RSPO1: variants seen among roughly 807,000 people sequenced by gnomAD.
The protein encoded by RSPO1 is R-spondin 1.
A neutral mutation model predicts 26.0 loss-of-function variants in RSPO1; 18 were observed. The observed-to-expected ratio is 0.69, with a 90% CI of 0.48 to 1.03. The LOEUF (loss-of-function observed/expected upper bound fraction) is 1.03. RSPO1 is among the 50% of genes least tolerant of loss of function. RSPO1 has a pLI of 0.00. For synonymous variants in RSPO1, 133 were observed against 137.4 expected (o/e 0.97, Z 0.22); for missense variants, 309 against 352.3 (o/e 0.88, Z 0.98).
At chr1:37,627,186 C>T (rs1199088134) in intron 3 of RSPO1, among the ~76,000 whole-genome samples, 1 of 152,064 alleles carries the variant, frequency 6.6e-6, no homozygotes, top group Non-Finnish European at 1.5e-5. Context: ...CCCTGAGGCT[C>T]ATACACAGCA....
chr1:37,616,713 A>ATTAAACAAGTAAGT, intron 3 of RSPO1, 38 bp from the exon 4 acceptor site: 1 of 1,570,730 alleles, frequency 6.4e-7, no homozygotes, highest in Non-Finnish European at 8.8e-7. Flanking sequence ...GCGGCTGTGG[A>ATTAAACAAGTAAGT]GAGAACCTCA....
chr1:37,613,933 AGGGGATCATGTCTCCTCCTC>A lies in RSPO1; in HGVS notation c.437-61_437-42del. 6.2e-7 allele frequency: 1 copy of A among 1,602,768 alleles called. No homozygotes were observed. The highest frequency in any genetic ancestry group is 8.5e-7 in the Non-Finnish European group (1 of 1,170,156). On this transcript the variant is annotated intron_variant, in intron 5 of 6. Transcript: ENST00000356545. This position sits in a 1 kb window ranked among gnomAD's most constrained non-coding sequence, Gnocchi z 4.5. Reference sequence around the variant, plus strand: ...GGGAAGGGAGAGAAGGACAAGGAGGAGGGGATCATGTCTCCTCCTCTGGCCCAGAATAGCCCAGGGGAGCA... The same window carrying A: ...GGGAAGGGAGAGAAGGACAAGGAGGATGGCCCAGAATAGCCCAGGGGAGCA...
At position 37,629,840 on chromosome 1, in the gene RSPO1, TC is replaced by T. The variant is rs1340710560; in HGVS notation, c.-180del. On this transcript the variant is annotated 5_prime_UTR_variant, in exon 3 of 7. An upstream open reading frame in the 5' UTR loses its in-frame stop. Transcript: ENST00000356545. ...AGAGAGGGTGTGGGGAGCCCAGTTC[TC>T]CATCAGCTCAAAGGGAGGTCCTCAA... 6.4e-7 allele frequency: 1 copy of T among 1,550,898 alleles called. No individual in the cohort carries two copies. The highest frequency in any genetic ancestry group is 2.0e-5 in the Admixed American group (1 of 50,992).
intron 3 of RSPO1, among the ~76,000 whole-genome samples, chr1:37,621,836 G>T (rs1644208143): frequency 7.1e-6 from 1 of 140,620 alleles, no homozygotes; most frequent in Non-Finnish European, 1.5e-5. Flanking sequence ...AGATCTCACT[G>T]TGTTGCCCAG....
chr1:37,613,730 G>T lies in RSPO1; in HGVS notation c.599C>A (p.Thr200Lys), dbSNP rs932668756. The T allele has an allele frequency of 4.3e-6, 7 of 1,613,656 alleles. No homozygotes were observed. In the African/African-American group the frequency reaches 9.3e-5, roughly 22 times the overall value. ...CTCAGGACACGGCACTCTCCTCACT[G>T]TGCACCTCCGGGTCTCCTTGGTGTC... ...CSDTKETRRCTVRRVPCPEGQ... is the reference protein window; with the variant it reads ...CSDTKETRRCKVRRVPCPEGQ... The change falls in exon 6 of 7, where the codon ACA becomes AAA. Residue 200 changes from threonine (T) to lysine (K), a missense_variant. Thr to Lys is a moderately conservative substitution (Grantham distance 78). Coordinates refer to ENST00000356545, the MANE Select transcript of RSPO1 (RefSeq NM_001242908.2). This position sits in a 1 kb window ranked among gnomAD's most constrained non-coding sequence, Gnocchi z 4.5.
intron 3 of RSPO1, among the ~76,000 whole-genome samples, chr1:37,629,193 C>G (rs1201939541): frequency 6.6e-6 from 1 of 152,186 alleles, no homozygotes; most frequent in Non-Finnish European, 1.5e-5. Flanking sequence ...AAAAGGAGCC[C>G]CAGGGCAGGG....
intron 3 of RSPO1, among the ~76,000 whole-genome samples, chr1:37,622,837 C>T (rs1212604541): frequency 2.0e-5 from 3 of 152,104 alleles, no homozygotes; most frequent in Non-Finnish European, 4.4e-5. Flanking sequence ...AGAGCCAAAC[C>T]ACAGTGGGCT....
intron 3 of RSPO1, among the ~76,000 whole-genome samples, chr1:37,618,360 G>T (rs528360915): frequency 1.3e-5 from 2 of 152,298 alleles, no homozygotes; most frequent in East Asian, 1.9e-4. Context: ...TCTGAGGGGG[G>T]ACAGAGTGAA....
At chr1:37,633,257 G>A (rs1408226396) in intron 1 of RSPO1, among the ~76,000 whole-genome samples, 3 of 152,282 alleles carry the variant, frequency 2.0e-5, no homozygotes, top group Non-Finnish European at 4.4e-5. Flanking sequence ...CTGGGTGTGG[G>A]GAGGGCGGGG....
intron 3 of RSPO1, 109 bp downstream of exon 3, chr1:37,629,459 G>T: frequency 1.2e-6 from 1 of 826,270 alleles, no homozygotes. Flanking sequence ...AGATAGAGTG[G>T]AACTCTGCAA....
At chr1:37,616,428 C>A (rs936217077) in intron 4 of RSPO1, 56 bp downstream of exon 4, 2 of 1,545,422 alleles carry the variant, frequency 1.3e-6, no homozygotes, top group East Asian at 2.3e-5. Context: ...AAAGCACTCT[C>A]CCCCAGTCCA....
At position 37,629,683 on chromosome 1, in the gene RSPO1, C is replaced by T. The variant is rs759276889; in HGVS notation, c.-22G>A. ...GCATAGTCACGCGCCAGCTCCAGGCCCCTGGTCGGAGGGGTGGTCTCGGGG... is the reference window on the plus strand; with the variant it reads ...GCATAGTCACGCGCCAGCTCCAGGCTCCTGGTCGGAGGGGTGGTCTCGGGG... On this transcript the variant is annotated 5_prime_UTR_variant, in exon 3 of 7. Coordinates refer to ENST00000356545, the MANE Select transcript of RSPO1 (RefSeq NM_001242908.2). The T allele has an allele frequency of 1.9e-6, 3 of 1,613,802 alleles. No homozygotes were observed. The South Asian group carries it at 3.3e-5, about 18-fold the overall frequency.
chr1:37,620,208 A>G (rs1224768619), intron 3 of RSPO1, among the ~76,000 whole-genome samples: 1 of 152,164 alleles, frequency 6.6e-6, no homozygotes, highest in African/African-American at 2.4e-5. Context: ...TAGACTATAT[A>G]TTTTTGGAAA....
At chr1:37,619,245 CAA>C (rs1327495802) in intron 3 of RSPO1, among the ~76,000 whole-genome samples, 1 of 152,014 alleles carries the variant, frequency 6.6e-6, no homozygotes, top group African/African-American at 2.4e-5. Context: ...AACAAACAAA[CAA>C]AAGAGCCAGG....
chr1:37,612,294 C>T lies in RSPO1; in HGVS notation c.*461G>A, dbSNP rs1443113176. 5.0e-6 allele frequency: 1 copy of T among 199,698 alleles called. No individual in the cohort carries two copies. The highest frequency in any genetic ancestry group is 1.0e-5 in the Non-Finnish European group (1 of 95,882). The allele number at this position is 199,698 out of a possible 1,614,324, so 12.4% of individuals were successfully genotyped here. A position where few individuals can be genotyped will look rare whatever the true frequency, so the allele number is the denominator to read the frequency against. On this transcript the variant is annotated 3_prime_UTR_variant, in exon 7 of 7. Transcript: ENST00000356545. ...GCTGAACAGGATGGGAAGAAGGTTT[C>T]TTCCCAGGTCACCAGCAGTCCTCAA... is the stretch of plus-strand genomic sequence containing the variant.
Position 37,616,473 on chromosome 1 carries a change from C to T in RSPO1, c.286+11G>A, listed in dbSNP as rs745360920. Reference sequence around the variant, plus strand: ...ATGCCCCCTGCCCCCGACAGCCCTGCCCACACTCACTGATGCACTTGTTCA... The same window carrying T: ...ATGCCCCCTGCCCCCGACAGCCCTGTCCACACTCACTGATGCACTTGTTCA... On this transcript the variant is annotated intron_variant, in intron 4 of 6. Coordinates refer to ENST00000356545, the MANE Select transcript of RSPO1 (RefSeq NM_001242908.2). 6 of 1,613,588 alleles carry T rather than the reference C, an allele frequency of 3.7e-6. No homozygotes were observed. Among genetic ancestry groups the T allele is most frequent in the Non-Finnish European group, 5.1e-6 (6 of 1,179,718 alleles).
At chr1:37,633,750 C>G (rs964297767) in intron 1 of RSPO1, among the ~76,000 whole-genome samples, 12 of 152,228 alleles carry the variant, frequency 7.9e-5, no homozygotes, top group African/African-American at 2.9e-4. Context: ...GGCCGTGCCC[C>G]CCCTCCAAAA....
At chr1:37,622,717 G>A (rs548456880) in intron 3 of RSPO1, among the ~76,000 whole-genome samples, 3 of 152,156 alleles carry the variant, frequency 2.0e-5, no homozygotes, top group Non-Finnish European at 4.4e-5. Flanking sequence ...GACCAGGGCT[G>A]GGAGGAGACA....
At chr1:37,618,669 C>G (rs1201113544) in intron 3 of RSPO1, among the ~76,000 whole-genome samples, 1 of 152,082 alleles carries the variant, frequency 6.6e-6, no homozygotes. Flanking sequence ...AGTAGGCCAT[C>G]GTGGCTGACA....
Sources: gnomAD v4.1 joint callset for allele counts (sites outside exome capture counted in the v4.1 genomes callset) on GRCh38, gnomAD v4.1.1 for gene constraint, Gnocchi (gnomAD v3.1) non-coding constraint, MANE v1.5 for transcripts, NCBI Gene and HGNC (gene_info 2026-07-23, HGNC 2026-07-21) for gene names.